The following COLEC11 variants were observed in gnomAD, a reference collection of about 807,000 sequenced individuals.
The protein encoded by COLEC11 is collectin-11.
In COLEC11, 20 loss-of-function variants were observed where a neutral mutation model predicts 27.3. The ratio of observed to expected loss-of-function variants is 0.73; its 90% CI spans 0.51 to 1.06. The LOEUF (loss-of-function observed/expected upper bound fraction) is 1.06, where lower values mean the gene tolerates loss of function less well. Among genes scored for constraint, COLEC11 ranks in the 50% least tolerant of loss-of-function variants. The pLI, the probability that COLEC11 is intolerant of heterozygous loss-of-function variation, is 0.00. For missense variants in COLEC11, 310 were observed against 383.0 expected, an observed-to-expected ratio of 0.81 and a Z score of 1.59; for synonymous variants, 163 against 154.7, an observed-to-expected ratio of 1.05 and a Z score of -0.40.
intron 1 of COLEC11, among the ~76,000 whole-genome samples, chr2:3,600,667 G>A (rs1053290982): frequency 1.3e-5 from 2 of 152,244 alleles, no homozygotes; most frequent in Admixed American, 6.5e-5. Flanking sequence ...GCGTGGATGG[G>A]AGCGGGGCTG....
chr2:3,624,423 G>C (rs1572438390), intron 3 of COLEC11, among the ~76,000 whole-genome samples: 1 of 152,214 alleles, frequency 6.6e-6, no homozygotes, highest in African/African-American at 2.4e-5. Flanking sequence ...CTAGCTCCCA[G>C]TCTCTCCCAA....
rs1558496360 is a variant in COLEC11 at position 3,613,285 on chromosome 2, C to T, written c.131-26C>T. On this transcript the variant is annotated intron_variant, in intron 2 of 6. Transcript: ENST00000349077. ...GACGCTGTGCTGGCCAGACGAGCTG[C>T]TAAATGGATGTGACTTCTTCCACAG... The T allele has an allele frequency of 2.6e-5, 41 of 1,601,422 alleles. No individual in the cohort carries two copies. In the East Asian group the frequency reaches 9.2e-4, roughly 36 times the overall value.
At chr2:3,631,050 G>A (rs1558511405) in intron 3 of COLEC11, among the ~76,000 whole-genome samples, 1 of 152,090 alleles carries the variant, frequency 6.6e-6, no homozygotes, top group Non-Finnish European at 1.5e-5. Flanking sequence ...GGCTAACATG[G>A]TGAAACCCCA....
At chr2:3,640,552 C>G (rs1665773055) in intron 5 of COLEC11, among the ~76,000 whole-genome samples, 1 of 84,592 alleles carries the variant, frequency 1.2e-5, no homozygotes, top group Non-Finnish European at 2.2e-5. Context: ...GGACACCCAC[C>G]CCCGTCACAT....
chr2:3,630,939 C>T (rs113385329), intron 3 of COLEC11, among the ~76,000 whole-genome samples: 2,245 of 152,258 alleles, frequency 0.015, 68 homozygotes, highest in African/African-American at 0.052. Flanking sequence ...AGCCACGTTT[C>T]GTCTTCTGTT....
intron 3 of COLEC11, among the ~76,000 whole-genome samples, chr2:3,617,963 A>G (rs1164571387): frequency 7.9e-5 from 12 of 152,222 alleles, no homozygotes; most frequent in Non-Finnish European, 7.3e-5. Flanking sequence ...CCACCTTTCC[A>G]TAAACCTGTT....
At chr2:3,642,766 C>T (rs562742394) in intron 5 of COLEC11, among the ~76,000 whole-genome samples, 10 of 152,330 alleles carry the variant, frequency 6.6e-5, no homozygotes, top group African/African-American at 2.4e-4. Flanking sequence ...ATGGCAGCAC[C>T]TGTCCTGTGG....
intron 3 of COLEC11, among the ~76,000 whole-genome samples, chr2:3,636,967 C>T (rs375246802): frequency 6.6e-6 from 1 of 152,190 alleles, no homozygotes; most frequent in Non-Finnish European, 1.5e-5. Flanking sequence ...GGGGATCAGG[C>T]ATTCTGCTGT....
intron 5 of COLEC11, among the ~76,000 whole-genome samples, chr2:3,641,905 G>A (rs1665896268): frequency 6.6e-6 from 1 of 152,228 alleles, no homozygotes; most frequent in African/African-American, 2.4e-5. Flanking sequence ...GGGGGTGGAT[G>A]GTGAGGTGCT....
intron 3 of COLEC11, among the ~76,000 whole-genome samples, chr2:3,615,346 C>G (rs186647721): frequency 0.024 from 3,704 of 152,188 alleles, 156 homozygotes; most frequent in African/African-American, 0.082. Flanking sequence ...TGACTCTTAA[C>G]GAGCATGCTG....
At chr2:3,618,855 T>G (rs1663973800) in intron 3 of COLEC11, among the ~76,000 whole-genome samples, 1 of 152,216 alleles carries the variant, frequency 6.6e-6, no homozygotes. Flanking sequence ...TGTTTCATAG[T>G]TCTCAGTGTA....
Position 3,643,448 on chromosome 2 carries a change from C to T in COLEC11, c.333C>T (p.Leu111=), listed in dbSNP as rs938878927. The change falls in exon 6 of 7, where the codon CTC becomes CTT. Residue 111 remains leucine (L), a synonymous_variant. Coordinates refer to ENST00000349077, the MANE Select transcript of COLEC11 (RefSeq NM_024027.5). ...GPPGPNGEPG[L]PCECSQLRKA... is the part of the protein sequence containing the mutation. ...GCGTGGGCCTGGCCCCCGCAGGCCT[C>T]CCATGTGAGTGCAGCCAGCTGCGCA... is the stretch of plus-strand genomic sequence containing the variant. 2 of 1,613,486 alleles carry T rather than the reference C, an allele frequency of 1.2e-6. No individual in the cohort carries two copies. The highest frequency in any genetic ancestry group is 1.7e-6 in the Non-Finnish European group (2 of 1,179,870).
chr2:3,635,865 C>T lies in COLEC11; in HGVS notation c.203-1668C>T, dbSNP rs776285712. ...GGCTGTTGTCCTGGCTCTGCCATGC[C>T]GGGCCATGTCATTTTCATAGCCAGA... is the stretch of plus-strand genomic sequence containing the variant. On this transcript the variant is annotated intron_variant, in intron 3 of 6. Transcript: ENST00000349077. Among the ~76,000 whole-genome samples, 6 of 152,194 alleles carry T rather than the reference C, an allele frequency of 3.9e-5. No homozygotes were observed. The South Asian group carries it at 8.3e-4, about 21-fold the overall frequency.
chr2:3,599,576 A>C (rs1019758465), intron 1 of COLEC11, among the ~76,000 whole-genome samples: 1 of 152,216 alleles, frequency 6.6e-6, no homozygotes, highest in Non-Finnish European at 1.5e-5. Context: ...ATCCCTTCAA[A>C]TAGCCTATCT....
At chr2:3,608,486 A>G (rs529779943) in intron 2 of COLEC11, among the ~76,000 whole-genome samples, 1 of 152,296 alleles carries the variant, frequency 6.6e-6, no homozygotes, top group South Asian at 2.1e-4. Flanking sequence ...AGGGACATAC[A>G]TCTTTATGAC....
At chr2:3,617,161 CTT>C (rs1663819836) in intron 3 of COLEC11, among the ~76,000 whole-genome samples, 3 of 150,594 alleles carry the variant, frequency 2.0e-5, no homozygotes, top group Non-Finnish European at 4.4e-5. Context: ...AGTTTTTAAA[CTT>C]TTTATTTGCA....
intron 3 of COLEC11, among the ~76,000 whole-genome samples, chr2:3,624,613 A>G (rs1018770046): frequency 6.6e-6 from 1 of 152,196 alleles, no homozygotes; most frequent in Non-Finnish European, 1.5e-5. Flanking sequence ...TGTGTTGCTC[A>G]GCTCACAGTT....
At chr2:3,619,451 T>C (rs1664022558) in intron 3 of COLEC11, among the ~76,000 whole-genome samples, 1 of 152,234 alleles carries the variant, frequency 6.6e-6, no homozygotes, top group Admixed American at 6.5e-5. Context: ...TCTTTGTATA[T>C]GTGCTTTCTT....
chr2:3,616,950 T>G (rs909132205), intron 3 of COLEC11, among the ~76,000 whole-genome samples: 29 of 152,212 alleles, frequency 1.9e-4, no homozygotes, highest in Non-Finnish European at 3.1e-4. Flanking sequence ...ATGTGCCATG[T>G]TTTCTTTATC....
Sources: gnomAD v4.1 joint callset for allele counts (sites outside exome capture counted in the v4.1 genomes callset) on GRCh38, gnomAD v4.1.1 for gene constraint, MANE v1.5 for transcripts, NCBI Gene and HGNC (gene_info 2026-07-23, HGNC 2026-07-21) for gene names.